The following DDIT3 variants were observed in gnomAD, a reference collection of about 807,000 sequenced individuals.
The protein encoded by DDIT3 is DNA damage inducible transcript 3.
A neutral mutation model predicts 17.6 loss-of-function variants in DDIT3; 14 were observed. That is an observed-to-expected ratio of 0.80 (90% CI 0.53 to 1.25). The LOEUF is 1.25. DDIT3 is among the 50% of genes most tolerant of loss of function. The pLI, the probability that DDIT3 is intolerant of heterozygous loss-of-function variation, is 0.00. For missense variants in DDIT3, 216 were observed against 202.7 expected (o/e 1.07, Z -0.40); for synonymous variants, 93 against 76.5 (o/e 1.22, Z -1.13).
Position 57,517,076 on chromosome 12 carries a change from G to A in DDIT3, c.243C>T (p.His81=), listed in dbSNP as rs753356884. The A allele has an allele frequency of 6.2e-7, 1 of 1,614,190 alleles. No homozygotes were observed. Among genetic ancestry groups the A allele is most frequent in the Non-Finnish European group, 8.5e-7 (1 of 1,180,032 alleles). ...AEVTSTSQSP[H]SPDSSQSSLA... The stretch of plus-strand genomic sequence containing the variant: ...GGGAGCTCTGACTGGAATCTGGAGA[G>A]TGAGGGCTCTGGGAGGTGCTTGTGA... The change falls in exon 4 of 4, where the codon CAC becomes CAT. Residue 81 remains histidine (H), a synonymous_variant. Transcript: ENST00000346473.
rs1401337195 is a variant in DDIT3 at position 57,516,789 on chromosome 12, G to A, written c.*20C>T. 5 of 1,603,276 alleles carry A rather than the reference G, an allele frequency of 3.1e-6. No homozygotes were observed. The East Asian group carries it at 1.1e-4, about 36-fold the overall frequency. On this transcript the variant is annotated 3_prime_UTR_variant, in exon 4 of 4. Transcript: ENST00000346473. ...AGGTGGGTAGTGTGGCCCAAGTGGG[G>A]GACTGATGCTCCCAATTGTTCATGC...
rs1022807484 is a variant in DDIT3 at position 57,516,800 on chromosome 12, C to T, written c.*9G>A. Reference sequence around the variant, plus strand: ...GTGGCCCAAGTGGGGGACTGATGCTCCCAATTGTTCATGCTTGGTGCAGAT... The same window carrying T: ...GTGGCCCAAGTGGGGGACTGATGCTTCCAATTGTTCATGCTTGGTGCAGAT... On this transcript the variant is annotated 3_prime_UTR_variant, in exon 4 of 4. Coordinates refer to ENST00000346473, the MANE Select transcript of DDIT3 (RefSeq NM_004083.6). 5 of 1,607,204 alleles carry T rather than the reference C, an allele frequency of 3.1e-6. No individual in the cohort carries two copies. The highest frequency in any genetic ancestry group is 4.2e-6 in the Non-Finnish European group (5 of 1,178,594).
chr12:57,519,506 G>C (rs1442013708), intron 1 of DDIT3, among the ~76,000 whole-genome samples: 2 of 152,176 alleles, frequency 1.3e-5, no homozygotes, highest in South Asian at 4.1e-4. Context: ...TATAGGGAAG[G>C]GGCAGAAGCA....
At chr12:57,519,213 C>T (rs1206152456) in intron 1 of DDIT3, 1 of 533,026 alleles carries the variant, frequency 1.9e-6, no homozygotes, top group Non-Finnish European at 3.8e-6. Flanking sequence ...CTTCCTATTT[C>T]ATGTCATGGA....
downstream of DDIT3, chr12:57,516,588 T>A (rs774583761): frequency 3.8e-6 from 6 of 1,564,872 alleles, no homozygotes; most frequent in Non-Finnish European, 8.6e-7. Context: ...GTAAAAGACC[T>A]TGGCTCATAG....
At chr12:57,517,498 A>G in intron 2 of DDIT3, 60 bp from the exon 3 acceptor site, 1 of 1,583,610 alleles carries the variant, frequency 6.3e-7, no homozygotes, top group Non-Finnish European at 8.6e-7. Flanking sequence ...CTATGCCACA[A>G]GTTGGCAAGC....
intron 1 of DDIT3, among the ~76,000 whole-genome samples, chr12:57,518,112 TG>T (rs1197810240): frequency 7.9e-5 from 12 of 151,556 alleles, no homozygotes; most frequent in African/African-American, 1.7e-4. Context: ...GCTACCGTGC[TG>T]GGCCCTTATT....
intron 1 of DDIT3, chr12:57,519,351 TA>T (rs1352737266): frequency 5.2e-6 from 2 of 387,196 alleles, no homozygotes; most frequent in African/African-American, 4.2e-5. Flanking sequence ...GTGGCACTTA[TA>T]TTTTGTTTAC....
chr12:57,518,227 ACTTT>A (rs28382844), intron 1 of DDIT3, among the ~76,000 whole-genome samples: 2,993 of 152,222 alleles, frequency 0.02, 96 homozygotes, highest in African/African-American at 0.069. Context: ...AGAGGGCCTG[ACTTT>A]CTTTATTTTT....
chr12:57,518,476 C>G (rs1413095801), intron 1 of DDIT3, among the ~76,000 whole-genome samples: 3 of 152,198 alleles, frequency 2.0e-5, no homozygotes, highest in African/African-American at 7.2e-5. Context: ...GCCTACTTGC[C>G]ATTTCTTTTT....
In DDIT3 at chr12:57,517,161, G is replaced by C. The variant is rs1877923845; in HGVS notation, c.158C>G (p.Thr53Ser). The C allele has an allele frequency of 1.2e-6, 2 of 1,607,794 alleles. No homozygotes were observed. The highest frequency in any genetic ancestry group is 1.7e-6 in the Non-Finnish European group (2 of 1,175,956). The change falls in exon 4 of 4, where the codon ACC (threonine) becomes AGC (serine). Residue 53 changes from threonine to serine, a missense_variant. Coordinates refer to ENST00000346473, the MANE Select transcript of DDIT3 (RefSeq NM_004083.6). ...AGCCAGAGAAGCAGGGTCAAGAGTG[G>C]TGAAGATTTTTGATTCTTCCTTCAA... ...GNEEEESKIFTTLDPASLAWL... is the reference protein window; with the variant it reads ...GNEEEESKIFSTLDPASLAWL...
chr12:57,518,890 C>G (rs1267662837), intron 1 of DDIT3, among the ~76,000 whole-genome samples: 4 of 152,154 alleles, frequency 2.6e-5, no homozygotes, highest in Admixed American at 2.6e-4. Flanking sequence ...AACTCCTGAC[C>G]TCAGGTGATC....
chr12:57,518,727 C>T (rs960276858), intron 1 of DDIT3, among the ~76,000 whole-genome samples: 4 of 152,218 alleles, frequency 2.6e-5, no homozygotes, highest in Non-Finnish European at 4.4e-5. Flanking sequence ...GTGGCGCAAT[C>T]GGCTCACTGC....
rs1364777870 is a variant in DDIT3, at chr12:57,517,983, C to T, written c.-80-230G>A. 4.6e-5 allele frequency among the ~76,000 whole-genome samples: 7 copies of T among 152,066 alleles called. No individual in the cohort carries two copies. The East Asian group carries it at 5.8e-4, about 13-fold the overall frequency. On this transcript the variant is annotated intron_variant, in intron 1 of 3. Coordinates refer to ENST00000346473, the MANE Select transcript of DDIT3 (RefSeq NM_004083.6). ...CTGGGACTACAGGCGCGTGCCACCA[C>T]GCCCAGCTAATTTTTGTGTTTTTAG...
Position 57,516,779 on chromosome 12 carries a change from C to G in DDIT3, c.*30G>C. On this transcript the variant is annotated 3_prime_UTR_variant, in exon 4 of 4. Transcript: ENST00000346473. The stretch of plus-strand genomic sequence containing the variant: ...CTTCTGGGAAAGGTGGGTAGTGTGG[C>G]CCAAGTGGGGGACTGATGCTCCCAA... 1 of 1,596,770 alleles carries G rather than the reference C, an allele frequency of 6.3e-7. No homozygotes were observed. The highest frequency in any genetic ancestry group is 8.5e-7 in the Non-Finnish European group (1 of 1,173,268).
chr12:57,519,030 T>C (rs1878088120), intron 1 of DDIT3: 1 of 517,776 alleles, frequency 1.9e-6, no homozygotes, highest in East Asian at 5.5e-5. Context: ...CTAATTCCAT[T>C]GTTTCCAATC....
chr12:57,518,206 C>G (rs1024167222), intron 1 of DDIT3, among the ~76,000 whole-genome samples: 1 of 152,034 alleles, frequency 6.6e-6, no homozygotes, highest in Non-Finnish European at 1.5e-5. Context: ...GTAGCCATTT[C>G]GAAGGGCAGA....
intron 1 of DDIT3, 82 bp from the exon 2 acceptor site, chr12:57,517,835 T>C (rs996836559): frequency 3.7e-5 from 16 of 427,470 alleles, no homozygotes; most frequent in African/African-American, 2.7e-4. Context: ...TTTCTTTCTT[T>C]TTTTTTTTTT....
In DDIT3 at chr12:57,516,814, C is replaced by T. The variant is rs1222108882; in HGVS notation, c.505G>A (p.Ala169Thr). ...LIDRMVNLHQA is the reference protein window; with the variant it reads ...LIDRMVNLHQT Reference sequence around the variant, plus strand: ...GGACTGATGCTCCCAATTGTTCATGCTTGGTGCAGATTCACCATTCGGTCA... The same window carrying T: ...GGACTGATGCTCCCAATTGTTCATGTTTGGTGCAGATTCACCATTCGGTCA... Residue 169 changes from alanine (A) to threonine (T), a missense_variant, in exon 4 of 4, where the codon GCA becomes ACA. Coordinates refer to ENST00000346473, the MANE Select transcript of DDIT3 (RefSeq NM_004083.6). 6.2e-7 allele frequency: 1 copy of T among 1,609,980 alleles called. No individual in the cohort carries two copies. The highest frequency in any genetic ancestry group is 1.1e-5 in the South Asian group (1 of 91,072).
Sources: allele counts gnomAD v4.1 joint callset (sites outside exome capture counted in the v4.1 genomes callset), GRCh38; gene constraint gnomAD v4.1.1; transcripts MANE v1.5; gene names NCBI Gene and HGNC (gene_info 2026-07-23, HGNC 2026-07-21).